The following ROR2 variants were observed in gnomAD, a reference collection of about 807,000 sequenced individuals.
The protein encoded by ROR2 is tyrosine-protein kinase transmembrane receptor ROR2.
ROR2 carries 33 observed loss-of-function variants against 74.9 expected under a neutral mutation model. The ratio of observed to expected loss-of-function variants is 0.44; its 90% confidence interval spans 0.33 to 0.59. The LOEUF (loss-of-function observed/expected upper bound fraction) is 0.59. Among genes scored for constraint, ROR2 ranks in the 20% least tolerant of loss-of-function variants. The pLI is 0.02. For synonymous variants in ROR2, 586 were observed against 558.7 expected (o/e 1.05, Z -0.69); for missense variants, 1,216 against 1,313.8 (o/e 0.93, Z 1.15).
rs921210678 is a variant in ROR2, at chr9:91,845,274, C to T, written c.98-69456G>A. 2.0e-5 allele frequency among the ~76,000 whole-genome samples: 3 copies of T among 152,082 alleles called. 1 individual carries two copies. The highest frequency in any genetic ancestry group is 2.0e-4 in the Admixed American group (3 of 15,278). On this transcript the variant is annotated intron_variant, in intron 1 of 8. Coordinates refer to ENST00000375708, the MANE Select transcript of ROR2 (RefSeq NM_004560.4). Reference sequence around the variant, plus strand: ...CTGTCCTGGGGAAGCCAGGCCCTGACCACCTGGTAAGTCTCTTCTAGGGAT... The same window carrying T: ...CTGTCCTGGGGAAGCCAGGCCCTGATCACCTGGTAAGTCTCTTCTAGGGAT...
intron 1 of ROR2, among the ~76,000 whole-genome samples, chr9:91,784,780 A>G (rs1344923270): frequency 1.3e-5 from 2 of 152,124 alleles, no homozygotes; most frequent in African/African-American, 4.8e-5. Context: ...ACTTCCCTCC[A>G]CATGTACACA....
At chr9:91,864,439 C>T (rs1470189753) in intron 1 of ROR2, among the ~76,000 whole-genome samples, 1 of 152,200 alleles carries the variant, frequency 6.6e-6, no homozygotes, top group East Asian at 1.9e-4. Context: ...ATAAGGAGCA[C>T]TGTCAACACA....
At chr9:91,732,887 G>A (rs1341689911) in intron 6 of ROR2, among the ~76,000 whole-genome samples, 1 of 152,228 alleles carries the variant, frequency 6.6e-6, no homozygotes, top group Non-Finnish European at 1.5e-5. Flanking sequence ...GCTGGACACA[G>A]TGCAAGCCCA....
Position 91,723,792 on chromosome 9 carries a change from G to T in ROR2, c.2702C>A (p.Pro901Gln). 1 of 1,613,798 alleles carries T rather than the reference G, an allele frequency of 6.2e-7. No homozygotes were observed. ...SEGADDTQNA[P>Q]EDGAQSTVQE... is the part of the protein sequence containing the mutation. ...CACGGTGCTCTGGGCCCCATCTTCT[G>T]GGGCGTTCTGTGTGTCATCAGCGCC... The change falls in exon 9 of 9, where the codon CCA becomes CAA. Residue 901 changes from proline to glutamine, a missense_variant. Pro to Gln is a moderately conservative substitution (Grantham distance 76). Transcript: ENST00000375708.
intron 1 of ROR2, among the ~76,000 whole-genome samples, chr9:91,895,725 C>G (rs1256339027): frequency 2.0e-5 from 3 of 152,156 alleles, no homozygotes; most frequent in Non-Finnish European, 1.5e-5. Context: ...TGCCTGTAAT[C>G]CCAGCTACTC....
At chr9:91,743,622 T>A (rs1825316478) in intron 4 of ROR2, among the ~76,000 whole-genome samples, 1 of 151,710 alleles carries the variant, frequency 6.6e-6, no homozygotes, top group Admixed American at 6.6e-5. Context: ...CACAAGAGTA[T>A]CTAACAAGGA....
intron 2 of ROR2, 57 bp from the exon 3 acceptor site, chr9:91,757,616 C>A: frequency 1.9e-6 from 3 of 1,580,442 alleles, no homozygotes; most frequent in Non-Finnish European, 2.6e-6. Flanking sequence ...GAAGGAAGGG[C>A]TACCTGGGGG....
intron 2 of ROR2, among the ~76,000 whole-genome samples, chr9:91,772,685 G>C (rs1826273295): frequency 6.6e-6 from 1 of 152,172 alleles, no homozygotes; most frequent in Non-Finnish European, 1.5e-5. Context: ...ACAGGTCCGA[G>C]GCAAACTTCC....
At chr9:91,948,917 C>T in intron 1 of ROR2, 4 of 985,312 alleles carry the variant, frequency 4.1e-6, no homozygotes, top group Non-Finnish European at 4.8e-6. Context: ...GAGTCTGCAC[C>T]GCCAGAGCTA....
chr9:91,838,181 A>C (rs73651568), intron 1 of ROR2, among the ~76,000 whole-genome samples: 1 of 152,332 alleles, frequency 6.6e-6, no homozygotes, highest in African/African-American at 2.4e-5. Context: ...AGATGTGTTC[A>C]CTGCAACTTT....
chr9:91,839,247 CGGGGGTGTGTGT>C (rs748948411), intron 1 of ROR2, among the ~76,000 whole-genome samples: 2 of 97,918 alleles, frequency 2.0e-5, no homozygotes, highest in Non-Finnish European at 3.7e-5. Context: ...GCTGTCAGAT[CGGGGGTGTGTGT>C]GTGTGTGTGT....
At chr9:91,949,017 G>T in intron 1 of ROR2, 1 of 829,832 alleles carries the variant, frequency 1.2e-6, no homozygotes, top group Non-Finnish European at 1.5e-6. Flanking sequence ...CCAAGCAGCC[G>T]AAACCGCGCA....
intron 1 of ROR2, among the ~76,000 whole-genome samples, chr9:91,863,730 C>T (rs566639793): frequency 2.2e-4 from 34 of 151,880 alleles, no homozygotes; most frequent in African/African-American, 8.2e-4. Flanking sequence ...AAAGGAGATT[C>T]GCAGATGGCT....
At chr9:91,799,321 TCCC>T (rs1050171812) in intron 1 of ROR2, among the ~76,000 whole-genome samples, 24 of 151,850 alleles carry the variant, frequency 1.6e-4, no homozygotes, top group Admixed American at 7.2e-4. Flanking sequence ...CGCTGCTCAC[TCCC>T]CCCAACACAC....
chr9:91,733,362 G>A lies in ROR2; in HGVS notation c.697C>T (p.His233Tyr). 6.2e-7 allele frequency: 1 copy of A among 1,612,316 alleles called. No homozygotes were observed. The change falls in exon 6 of 9, where the codon CAC becomes TAC. Residue 233 changes from histidine (H) to tyrosine (Y), a missense_variant. By Grantham distance (83) the His-to-Tyr change is moderately conservative. Transcript: ENST00000375708. The surrounding 1 kb of genome is among the most constrained non-coding windows in gnomAD (Gnocchi z 5.7). Reference protein sequence around the residue: ...CSQFAIPSFCHFVFPLCDARS... With the variant: ...CSQFAIPSFCYFVFPLCDARS... The stretch of plus-strand genomic sequence containing the variant: ...GCGTCGCACAGAGGAAACACGAAGT[G>A]GCAGAAGGATGGGATGGCGAACTGT...
At chr9:91,748,033 T>C (rs2118796770) in intron 4 of ROR2, among the ~76,000 whole-genome samples, 1 of 152,242 alleles carries the variant, frequency 6.6e-6, no homozygotes, top group African/African-American at 2.4e-5. Context: ...AACAATGTAT[T>C]GGCAGATCAC....
At chr9:91,808,805 A>ATTT (rs1000536531) in intron 1 of ROR2, among the ~76,000 whole-genome samples, 7 of 142,620 alleles carry the variant, frequency 4.9e-5, no homozygotes, top group African/African-American at 1.7e-4. Flanking sequence ...AAATATACAT[A>ATTT]TTTTTTTTTA....
At position 91,902,824 on chromosome 9, in the gene ROR2, G is replaced by A. The variant is rs114587653; in HGVS notation, c.97+47043C>T. ...ACATGCTGCAACATGGATAAGCCTC[G>A]AAGGCATGCTAAGGGAACCGGGCCA... On this transcript the variant is annotated intron_variant, in intron 1 of 8. Transcript: ENST00000375708. Among the ~76,000 whole-genome samples, 545 of 152,282 alleles carry A rather than the reference G, an allele frequency of 3.6e-3. 2 individuals carry two copies. The highest frequency in any genetic ancestry group is 0.012 in the African/African-American group (510 of 41,542).
At chr9:91,886,252 G>T (rs1306115792) in intron 1 of ROR2, among the ~76,000 whole-genome samples, 1 of 152,164 alleles carries the variant, frequency 6.6e-6, no homozygotes, top group Non-Finnish European at 1.5e-5. Context: ...ACATTTAGAG[G>T]AGCAGGAGAG....
Sources: gnomAD v4.1 joint callset for allele counts (sites outside exome capture counted in the v4.1 genomes callset) on GRCh38, gnomAD v4.1.1 for gene constraint, Gnocchi (gnomAD v3.1) non-coding constraint, MANE v1.5 for transcripts, NCBI Gene and HGNC (gene_info 2026-07-23, HGNC 2026-07-21) for gene names.